CYFIP1: variants seen among roughly 807,000 people sequenced by gnomAD.
CYFIP1 encodes cytoplasmic FMR1-interacting protein 1.
Under a neutral mutation model 163.5 loss-of-function variants are expected in CYFIP1, and 58 were observed. The observed-to-expected ratio is 0.35, with a 90% CI of 0.29 to 0.44. The LOEUF is 0.44. Ranked by LOEUF, CYFIP1 falls within the 20% of genes least tolerant of loss-of-function variation. The pLI is 1.00. For synonymous variants in CYFIP1, 663 were observed against 660.7 expected (o/e 1.00, Z -0.05); for missense variants, 1,338 against 1,653.8 (o/e 0.81, Z 3.31).
chr15:22,964,627 G>C lies in CYFIP1; in HGVS notation c.-7+15660C>G, dbSNP rs1398774848. On this transcript the variant is annotated intron_variant, in intron 1 of 30. Transcript: ENST00000617928. ...AGACACAGGGCTCCATGTTCCCTCTGGGAAAAAGGGACCCCACCCTGTCCT... is the reference window on the plus strand; with the variant it reads ...AGACACAGGGCTCCATGTTCCCTCTCGGAAAAAGGGACCCCACCCTGTCCT... 2.0e-5 allele frequency among the ~76,000 whole-genome samples: 3 copies of C among 152,092 alleles called. No individual in the cohort carries two copies. The East Asian group carries it at 5.8e-4, about 29-fold the overall frequency.
intron 1 of CYFIP1, among the ~76,000 whole-genome samples, chr15:22,977,114 G>A (rs999286587): frequency 2.0e-5 from 3 of 151,910 alleles, no homozygotes; most frequent in South Asian, 4.2e-4. Flanking sequence ...CAGGAGAATC[G>A]CTTGAACCCG....
intron 6 of CYFIP1, 42 bp downstream of exon 6, chr15:22,943,131 G>C: frequency 6.3e-7 from 1 of 1,593,816 alleles, no homozygotes; most frequent in South Asian, 1.1e-5. Flanking sequence ...ACTGAGCTGG[G>C]TGCTCTCGGG....
At chr15:22,870,331 T>TTC in intron 30 of CYFIP1, 139 bp from the exon 31 acceptor site, 2 of 1,044,190 alleles carry the variant, frequency 1.9e-6, no homozygotes, top group Non-Finnish European at 2.7e-6. Context: ...CTTTTTGGGT[T>TTC]TTTTTTTGTA....
chr15:22,965,036 TTGTGTGTGTGTGTGTG>T (rs56857768), intron 1 of CYFIP1, among the ~76,000 whole-genome samples: 2 of 149,412 alleles, frequency 1.3e-5, no homozygotes, highest in East Asian at 2.0e-4. Context: ...TAGTATTCCA[TTGTGTGTGTGTGTGTG>T]TGTGTGTGTG....
intron 1 of CYFIP1, among the ~76,000 whole-genome samples, chr15:22,955,556 G>GCCCTC: frequency 2.2e-5 from 1 of 44,768 alleles, no homozygotes; most frequent in East Asian, 1.3e-3. Context: ...CAAGGACCCT[G>GCCCTC]CTGGCCCCAG....
chr15:22,935,426 CA>C (rs556904472), intron 9 of CYFIP1, among the ~76,000 whole-genome samples: 133 of 152,206 alleles, frequency 8.7e-4, no homozygotes, highest in African/African-American at 3.1e-3. Context: ...AAGTCAGTTC[CA>C]GGGGGATTAG....
chr15:22,877,421 CAA>C (rs1264734200), intron 26 of CYFIP1, among the ~76,000 whole-genome samples: 2 of 152,144 alleles, frequency 1.3e-5, no homozygotes, highest in African/African-American at 4.8e-5. Context: ...CACAGCAACA[CAA>C]AATGGACTAA....
At chr15:22,884,035 A>C (rs373205536) in intron 23 of CYFIP1, among the ~76,000 whole-genome samples, 22 of 151,914 alleles carry the variant, frequency 1.4e-4, no homozygotes, top group African/African-American at 5.1e-4. Flanking sequence ...AGCATGTGGA[A>C]AACTGCCCCC....
At chr15:22,876,752 A>T (rs1340673861) in intron 26 of CYFIP1, among the ~76,000 whole-genome samples, 1 of 152,010 alleles carries the variant, frequency 6.6e-6, no homozygotes, top group Non-Finnish European at 1.5e-5. Flanking sequence ...AATCACTTGA[A>T]CCCAGGAGGT....
chr15:22,930,941 C>T (rs1048254437), intron 11 of CYFIP1, among the ~76,000 whole-genome samples: 1 of 152,198 alleles, frequency 6.6e-6, no homozygotes, highest in Non-Finnish European at 1.5e-5. Context: ...GCCTCCCACT[C>T]GCTCGCCACT....
intron 1 of CYFIP1, among the ~76,000 whole-genome samples, chr15:22,977,511 A>G (rs556104026): frequency 6.6e-6 from 1 of 152,298 alleles, no homozygotes; most frequent in Non-Finnish European, 1.5e-5. Context: ...AATAGCTTGG[A>G]CATGTTAGTT....
chr15:22,962,389 C>G (rs1174846961), intron 1 of CYFIP1, among the ~76,000 whole-genome samples: 1 of 144,876 alleles, frequency 6.9e-6, no homozygotes, highest in Non-Finnish European at 1.5e-5. Context: ...CATCTATATT[C>G]TTCTTTTTTT....
At chr15:22,888,582 A>C (rs905506447) in intron 23 of CYFIP1, among the ~76,000 whole-genome samples, 5 of 151,990 alleles carry the variant, frequency 3.3e-5, no homozygotes, top group African/African-American at 1.2e-4. Context: ...AAACACAAAA[A>C]TTAGCCAGAT....
chr15:22,964,738 A>C (rs2062844001), intron 1 of CYFIP1, among the ~76,000 whole-genome samples: 1 of 152,150 alleles, frequency 6.6e-6, no homozygotes, highest in Non-Finnish European at 1.5e-5. Flanking sequence ...CCTTCTTTAG[A>C]GACGGCGAAA....
chr15:22,899,084 T>A (rs893964153), intron 22 of CYFIP1, among the ~76,000 whole-genome samples: 4 of 152,066 alleles, frequency 2.6e-5, no homozygotes, highest in African/African-American at 4.8e-5. Flanking sequence ...GAGATCTTCC[T>A]GCCTTGGCCT....
At chr15:22,916,806 T>C (rs1481776663) in intron 15 of CYFIP1, 176 bp from the exon 16 acceptor site, 1 of 1,569,362 alleles carries the variant, frequency 6.4e-7, no homozygotes, top group Non-Finnish European at 8.7e-7. Context: ...TGCTGCTGCT[T>C]TGGGGAAAGA....
chr15:22,883,592 C>T (rs1248156307), intron 23 of CYFIP1, among the ~76,000 whole-genome samples: 5 of 152,068 alleles, frequency 3.3e-5, no homozygotes, highest in East Asian at 1.9e-4. Flanking sequence ...CCGAGGTGGG[C>T]AGATCACAAG....
At chr15:22,959,413 GAA>G (rs1414337244) in intron 1 of CYFIP1, among the ~76,000 whole-genome samples, 1 of 152,238 alleles carries the variant, frequency 6.6e-6, no homozygotes, top group African/African-American at 2.4e-5. Flanking sequence ...ACGCTCAGGA[GAA>G]GAGTGGGGGT....
At chr15:22,926,530 G>C (rs2061363341) in intron 12 of CYFIP1, among the ~76,000 whole-genome samples, 1 of 152,094 alleles carries the variant, frequency 6.6e-6, no homozygotes, top group South Asian at 2.1e-4. Context: ...TAATAAGTAA[G>C]TAAATAAAGA....
Sources: gnomAD v4.1 joint callset for allele counts (sites outside exome capture counted in the v4.1 genomes callset) on GRCh38, gnomAD v4.1.1 for gene constraint, MANE v1.5 for transcripts, NCBI Gene and HGNC (gene_info 2026-07-23, HGNC 2026-07-21) for gene names.